Variants in PRKAR1B observed in about 807,000 individuals in gnomAD.
The protein encoded by PRKAR1B is cAMP-dependent protein kinase type I-beta regulatory subunit.
A neutral mutation model predicts 46.5 loss-of-function variants in PRKAR1B; 22 were observed. The ratio of observed to expected loss-of-function variants is 0.47; its 90% CI spans 0.34 to 0.68. The LOEUF is 0.68. Ranked by LOEUF, PRKAR1B falls within the 30% of genes least tolerant of loss-of-function variation. The pLI is 0.01. For missense variants in PRKAR1B, 445 were observed against 535.6 expected, an observed-to-expected ratio of 0.83 and a Z score of 1.67; for synonymous variants, 259 against 217.7, an observed-to-expected ratio of 1.19 and a Z score of -1.67.
Position 549,521 on chromosome 7 carries a change from C to G in PRKAR1B, c.*909G>C, listed in dbSNP as rs1254982010. On this transcript the variant is annotated 3_prime_UTR_variant, in exon 11 of 11. Coordinates refer to ENST00000537384, the MANE Select transcript of PRKAR1B (RefSeq NM_001164760.2). ...ACTGGCCTCACCCTTTCGGGCCTGG[C>G]TGGCTCACGTCATCACTGCGGGATC... 1 of 152,350 alleles carries G rather than the reference C, an allele frequency of 6.6e-6. No individual in the cohort carries two copies. The highest frequency in any genetic ancestry group is 2.1e-4 in the South Asian group (1 of 4,834). 9.4% of individuals were successfully genotyped at this position (152,350 alleles called of 1,614,324 possible).
At chr7:569,054 T>C (rs1265607876) in intron 9 of PRKAR1B, among the ~76,000 whole-genome samples, 5 of 149,026 alleles carry the variant, frequency 3.4e-5, no homozygotes, top group African/African-American at 1.2e-4. Context: ...CTTTGTATAA[T>C]GTTACTTACA....
intron 9 of PRKAR1B, among the ~76,000 whole-genome samples, chr7:571,115 A>G (rs1050809067): frequency 6.6e-6 from 1 of 152,156 alleles, no homozygotes; most frequent in Non-Finnish European, 1.5e-5. Flanking sequence ...GGCGGCCCCA[A>G]AAGAGCGACA....
chr7:682,249 C>G (rs1283672365), intron 2 of PRKAR1B, among the ~76,000 whole-genome samples: 2 of 152,152 alleles, frequency 1.3e-5, no homozygotes, highest in East Asian at 3.9e-4. Context: ...CACCGGGACT[C>G]ATCTGTGAGG....
intron 9 of PRKAR1B, among the ~76,000 whole-genome samples, chr7:562,230 C>T (rs1778848732): frequency 6.7e-6 from 1 of 148,450 alleles, no homozygotes; most frequent in Non-Finnish European, 1.5e-5. Flanking sequence ...GCTACAGAGG[C>T]TCCTGCTGCC....
upstream of PRKAR1B, among the ~76,000 whole-genome samples, chr7:728,362 TG>T (rs969647164): frequency 3.5e-4 from 53 of 152,316 alleles, no homozygotes; most frequent in African/African-American, 1.2e-3. Flanking sequence ...AGTGATGGTC[TG>T]AATGTAGTGG....
chr7:664,509 C>T (rs1408550323), intron 4 of PRKAR1B, among the ~76,000 whole-genome samples: 1 of 152,182 alleles, frequency 6.6e-6, no homozygotes, highest in Non-Finnish European at 1.5e-5. Flanking sequence ...CATCTCAGCC[C>T]CCAGGTCTGC....
chr7:654,047 T>C (rs1199372331), intron 4 of PRKAR1B, among the ~76,000 whole-genome samples: 1 of 151,034 alleles, frequency 6.6e-6, no homozygotes, highest in African/African-American at 2.4e-5. Flanking sequence ...ACCATCCTTA[T>C]CACTTCACAA....
chr7:605,432 C>T (rs1191439647), intron 6 of PRKAR1B, among the ~76,000 whole-genome samples: 8 of 152,322 alleles, frequency 5.3e-5, no homozygotes, highest in Admixed American at 2.6e-4. Flanking sequence ...GGCTCTAAAC[C>T]GGACGGCAGA....
In PRKAR1B at chr7:560,113, T is replaced by A. The variant is rs1778692106; in HGVS notation, c.892-8643A>T. Among the ~76,000 whole-genome samples the A allele has an allele frequency of 6.6e-6, 1 of 152,080 alleles. No homozygotes were observed. Among genetic ancestry groups the A allele is most frequent in the African/African-American group, 2.4e-5 (1 of 41,382 alleles). ...TAGCTCCCATAATCCCCACGTGTTG[T>A]GGGAGGGACCCAGGGGGCGGTAACT... On this transcript the variant is annotated intron_variant, in intron 9 of 10. Transcript: ENST00000537384. The surrounding 1 kb of genome is among the most constrained non-coding windows in gnomAD (Gnocchi z 4.2).
chr7:715,457 C>A (rs1008073884), intron 1 of PRKAR1B, among the ~76,000 whole-genome samples: 1 of 152,128 alleles, frequency 6.6e-6, no homozygotes, highest in African/African-American at 2.4e-5. Flanking sequence ...ACGTGTGACA[C>A]TGTGCCCAAG....
intron 1 of PRKAR1B, among the ~76,000 whole-genome samples, chr7:724,053 C>T (rs1168814678): frequency 2.6e-5 from 4 of 152,298 alleles, no homozygotes; most frequent in South Asian, 4.1e-4. Flanking sequence ...ACCTCAATCA[C>T]GTCTGCAAAG....
At chr7:685,270 G>GTATATATACGTATA (rs1340175404) in intron 2 of PRKAR1B, among the ~76,000 whole-genome samples, 1,763 of 24,860 alleles carry the variant, frequency 0.071, 364 homozygotes, top group African/African-American at 0.25. Context: ...ACATATATAC[G>GTATATATACGTATA]TATATATACG....
chr7:673,961 T>C (rs1032412004), intron 4 of PRKAR1B, among the ~76,000 whole-genome samples: 1 of 152,204 alleles, frequency 6.6e-6, no homozygotes, highest in Non-Finnish European at 1.5e-5. Flanking sequence ...TCCTGCCTTG[T>C]GTTGCATGGC....
chr7:678,555 C>T (rs1284340767), intron 3 of PRKAR1B, among the ~76,000 whole-genome samples: 1 of 152,246 alleles, frequency 6.6e-6, no homozygotes, highest in East Asian at 1.9e-4. Flanking sequence ...ACGAACATTT[C>T]AGATGCCAGG....
At chr7:673,045 TAAAAAAAAAAAAAAA>T (rs992683667) in intron 4 of PRKAR1B, among the ~76,000 whole-genome samples, 867 of 26,614 alleles carry the variant, frequency 0.033, 44 homozygotes, top group African/African-American at 0.12. Flanking sequence ...GCCTTGTCTT[TAAAAAAAAAAAAAAA>T]AAAAAAAAAA....
At chr7:692,812 G>C (rs1779509724) in intron 2 of PRKAR1B, among the ~76,000 whole-genome samples, 1 of 152,190 alleles carries the variant, frequency 6.6e-6, no homozygotes, top group South Asian at 2.1e-4. Context: ...GCAAGAGGCA[G>C]GACAGCCCTG....
intron 7 of PRKAR1B, among the ~76,000 whole-genome samples, chr7:586,539 C>G (rs1178533366): frequency 6.6e-6 from 1 of 152,246 alleles, no homozygotes; most frequent in Non-Finnish European, 1.5e-5. Flanking sequence ...CCACAGAAAT[C>G]TCCTCTGCCC....
At chr7:652,278 G>A (rs939670427) in intron 4 of PRKAR1B, among the ~76,000 whole-genome samples, 8 of 146,776 alleles carry the variant, frequency 5.5e-5, no homozygotes, top group Non-Finnish European at 1.0e-4. Context: ...AACCCCTCTC[G>A]GAAGACAGTT....
chr7:571,196 C>G (rs1779490428), intron 9 of PRKAR1B, among the ~76,000 whole-genome samples: 1 of 152,206 alleles, frequency 6.6e-6, no homozygotes, highest in South Asian at 2.1e-4. Context: ...AAATGTGGCA[C>G]CGGCACTGTC....
Sources: allele counts gnomAD v4.1 joint callset (sites outside exome capture counted in the v4.1 genomes callset), GRCh38; gene constraint gnomAD v4.1.1; non-coding constraint Gnocchi (gnomAD v3.1); transcripts MANE v1.5; gene names NCBI Gene and HGNC (gene_info 2026-07-23, HGNC 2026-07-21).